Variants in TAOK3 observed in about 807,000 individuals in gnomAD.
TAOK3 encodes the protein TAO kinase 3, also known as serine/threonine-protein kinase TAO3.
A neutral mutation model predicts 120.4 loss-of-function variants in TAOK3; 40 were observed. The observed-to-expected ratio is 0.33, with a 90% CI of 0.26 to 0.43. The LOEUF is 0.43. Ranked by LOEUF, TAOK3 falls within the 20% of genes least tolerant of loss-of-function variation. The pLI, the probability that TAOK3 is intolerant of heterozygous loss-of-function variation, is 1.00. For missense variants in TAOK3, 821 were observed against 1,112.1 expected, an observed-to-expected ratio of 0.74 and a Z score of 3.72; for synonymous variants, 355 against 387.5, an observed-to-expected ratio of 0.92 and a Z score of 0.99.
chr12:118,361,347 T>A (rs1188939983), intron 1 of TAOK3, among the ~76,000 whole-genome samples: 1 of 152,006 alleles, frequency 6.6e-6, no homozygotes, highest in Non-Finnish European at 1.5e-5. Context: ...TTCAATGAAA[T>A]AAAAATATAG....
At chr12:118,229,044 C>A (rs1400933868) in intron 9 of TAOK3, among the ~76,000 whole-genome samples, 3 of 151,944 alleles carry the variant, frequency 2.0e-5, no homozygotes. Flanking sequence ...ACCTCAGCTT[C>A]ACTTAATCAT....
intron 14 of TAOK3, among the ~76,000 whole-genome samples, chr12:118,188,968 G>A (rs897909312): frequency 3.3e-5 from 5 of 152,312 alleles, no homozygotes; most frequent in Middle Eastern, 3.4e-3. Context: ...ACGCGCACGC[G>A]TGGGGGCCGA....
At chr12:118,217,814 TACA>T (rs1565963528) in intron 9 of TAOK3, among the ~76,000 whole-genome samples, 695 of 52,662 alleles carry the variant, frequency 0.013, 23 homozygotes, top group South Asian at 0.025. Context: ...TGTGTGTGTA[TACA>T]TATATATATA....
chr12:118,194,617 T>TC (rs1310190641), intron 13 of TAOK3, among the ~76,000 whole-genome samples: 1 of 150,378 alleles, frequency 6.6e-6, no homozygotes, highest in African/African-American at 2.4e-5. Flanking sequence ...CATTTCTTTT[T>TC]TTTTTTTTTT....
intron 1 of TAOK3, among the ~76,000 whole-genome samples, chr12:118,289,067 A>G (rs1193630548): frequency 6.6e-6 from 1 of 152,028 alleles, no homozygotes; most frequent in Non-Finnish European, 1.5e-5. Flanking sequence ...TGGAAGGCCA[A>G]GGCAGGTAGA....
At chr12:118,290,042 T>C (rs902690670) in intron 1 of TAOK3, among the ~76,000 whole-genome samples, 6 of 152,034 alleles carry the variant, frequency 3.9e-5, no homozygotes, top group South Asian at 2.1e-4. Flanking sequence ...TCAGTCCTTA[T>C]ATACCATCTG....
intron 17 of TAOK3, among the ~76,000 whole-genome samples, chr12:118,168,992 C>G (rs147769451): frequency 2.9e-5 from 2 of 69,930 alleles, no homozygotes; most frequent in Non-Finnish European, 6.7e-5. Context: ...TTCCTTCCTT[C>G]CTTCCTTCCT....
At chr12:118,285,499 C>A (rs2042236480) in intron 1 of TAOK3, among the ~76,000 whole-genome samples, 1 of 151,990 alleles carries the variant, frequency 6.6e-6, no homozygotes, top group East Asian at 1.9e-4. Context: ...ATTACAGGCG[C>A]CTGCCATCAC....
chr12:118,163,456 G>T (rs1178422552), intron 17 of TAOK3, among the ~76,000 whole-genome samples: 1 of 146,094 alleles, frequency 6.8e-6, no homozygotes, highest in Non-Finnish European at 1.5e-5. Flanking sequence ...TTTGGGGGGG[G>T]TGGGGGTAGA....
chr12:118,223,109 G>A (rs959564738), intron 9 of TAOK3, among the ~76,000 whole-genome samples: 7 of 129,480 alleles, frequency 5.4e-5, no homozygotes, highest in African/African-American at 1.8e-4. Context: ...TCGCACTGTC[G>A]CCTAGGCTGG....
At chr12:118,185,211 CAAAT>C (rs1031674314) in intron 14 of TAOK3, among the ~76,000 whole-genome samples, 52 of 151,846 alleles carry the variant, frequency 3.4e-4, no homozygotes, top group Admixed American at 2.8e-3. Context: ...GAAAAATAAA[CAAAT>C]AATAAATAAT....
At chr12:118,240,832 A>C (rs1444599717) in intron 5 of TAOK3, among the ~76,000 whole-genome samples, 2 of 152,088 alleles carry the variant, frequency 1.3e-5, no homozygotes, top group African/African-American at 4.8e-5. Flanking sequence ...AGACATAACC[A>C]ATATCAACAT....
Position 118,226,717 on chromosome 12 carries a change from A to G in TAOK3, c.643+6957T>C, listed in dbSNP as rs16948189. 6.5e-3 allele frequency among the ~76,000 whole-genome samples: 987 copies of G among 152,296 alleles called. 13 individuals carry two copies. The highest frequency in any genetic ancestry group is 0.022 in the African/African-American group (934 of 41,572). On this transcript the variant is annotated intron_variant, in intron 9 of 20. Coordinates refer to ENST00000392533, the MANE Select transcript of TAOK3 (RefSeq NM_016281.4). ...ATAGAGGATTAGACAATTTGGGAGA[A>G]GGCTACTTTGTCCTTTAGTTCAGTA...
intron 9 of TAOK3, among the ~76,000 whole-genome samples, chr12:118,229,324 T>C (rs911167554): frequency 2.6e-5 from 4 of 152,092 alleles, no homozygotes; most frequent in Admixed American, 6.6e-5. Context: ...GGTCTCAAAC[T>C]CTTGACCTCA....
intron 9 of TAOK3, among the ~76,000 whole-genome samples, chr12:118,227,371 A>G (rs1037916373): frequency 6.7e-6 from 1 of 149,300 alleles, no homozygotes; most frequent in African/African-American, 2.4e-5. Context: ...TTTTATAAGA[A>G]TAAACCAAAA....
intron 1 of TAOK3, among the ~76,000 whole-genome samples, chr12:118,269,106 A>G (rs540571505): frequency 6.7e-6 from 1 of 148,892 alleles, no homozygotes; most frequent in Non-Finnish European, 1.5e-5. Context: ...TCATTCCTAG[A>G]AAATAGTTTT....
At chr12:118,313,293 T>G (rs2043328958) in intron 1 of TAOK3, among the ~76,000 whole-genome samples, 1 of 152,118 alleles carries the variant, frequency 6.6e-6, no homozygotes, top group African/African-American at 2.4e-5. Flanking sequence ...TCTTTTTTTT[T>G]GAGACCGAGT....
intron 11 of TAOK3, among the ~76,000 whole-genome samples, chr12:118,202,942 G>C (rs2038104259): frequency 6.6e-6 from 1 of 151,758 alleles, no homozygotes; most frequent in Non-Finnish European, 1.5e-5. Flanking sequence ...ACCATGCCTG[G>C]CTAATTTTTG....
chr12:118,153,521 C>T (rs1175407645), intron 19 of TAOK3, among the ~76,000 whole-genome samples: 1 of 152,162 alleles, frequency 6.6e-6, no homozygotes, highest in Non-Finnish European at 1.5e-5. Context: ...CCAGATCCTG[C>T]GTGGAGAATG....
Sources: allele counts gnomAD v4.1 joint callset (sites outside exome capture counted in the v4.1 genomes callset), GRCh38; gene constraint gnomAD v4.1.1; transcripts MANE v1.5; gene names NCBI Gene and HGNC (gene_info 2026-07-23, HGNC 2026-07-21).